The following PTPRO variants were observed in gnomAD, a reference collection of about 807,000 sequenced individuals.
The protein encoded by PTPRO is receptor-type tyrosine-protein phosphatase O.
PTPRO carries 62 observed loss-of-function variants against 145.2 expected under a neutral mutation model. The ratio of observed to expected loss-of-function variants is 0.43; its 90% CI spans 0.35 to 0.53. PTPRO has a LOEUF of 0.53. Among genes scored for constraint, PTPRO ranks in the 20% least tolerant of loss-of-function variants. PTPRO has a pLI of 0.01. For missense variants in PTPRO, 1,345 were observed against 1,482.7 expected, an observed-to-expected ratio of 0.91 and a Z score of 1.53; for synonymous variants, 565 against 514.7, an observed-to-expected ratio of 1.10 and a Z score of -1.32.
intron 1 of PTPRO, among the ~76,000 whole-genome samples, chr12:15,474,227 C>T (rs253831): frequency 0.021 from 3,181 of 152,246 alleles, 121 homozygotes; most frequent in East Asian, 0.14. Flanking sequence ...GGGAGCTTTC[C>T]TTCAATTCTG....
chr12:15,363,916 C>T (rs1330177949), intron 1 of PTPRO, among the ~76,000 whole-genome samples: 1 of 152,134 alleles, frequency 6.6e-6, no homozygotes, highest in Non-Finnish European at 1.5e-5. Flanking sequence ...TAGATACTAG[C>T]TGGCATCAGA....
At chr12:15,337,303 A>G (rs924462483) in intron 1 of PTPRO, 2 of 152,204 alleles carry the variant, frequency 1.3e-5, no homozygotes, top group Non-Finnish European at 2.9e-5. Flanking sequence ...ATCATAACCA[A>G]GCAGGCATAA....
At chr12:15,560,880 G>C (rs1408308264) in intron 17 of PTPRO, among the ~76,000 whole-genome samples, 1 of 152,044 alleles carries the variant, frequency 6.6e-6, no homozygotes, top group Admixed American at 6.6e-5. Flanking sequence ...CAGAATCCAG[G>C]TTCCAAACTC....
chr12:15,533,817 G>C (rs758327587), intron 12 of PTPRO, among the ~76,000 whole-genome samples: 29 of 152,226 alleles, frequency 1.9e-4, no homozygotes, highest in African/African-American at 6.3e-4. Flanking sequence ...CATTGTTAAA[G>C]CTGGGGCCGT....
chr12:15,352,583 G>A (rs1393018168), intron 1 of PTPRO, among the ~76,000 whole-genome samples: 3 of 150,398 alleles, frequency 2.0e-5, no homozygotes, highest in East Asian at 2.0e-4. Context: ...CTCGGGAGGC[G>A]AGCTTGCAGT....
chr12:15,457,358 A>G (rs1424881646), intron 1 of PTPRO, among the ~76,000 whole-genome samples: 1 of 152,198 alleles, frequency 6.6e-6, no homozygotes, highest in African/African-American at 2.4e-5. Context: ...TCATATATTC[A>G]TGTATCCTAT....
At chr12:15,552,636 C>T (rs751354761) in intron 15 of PTPRO, among the ~76,000 whole-genome samples, 3 of 152,034 alleles carry the variant, frequency 2.0e-5, no homozygotes, top group African/African-American at 4.8e-5. Flanking sequence ...GGATTAAAAA[C>T]AGGATGCCAT....
chr12:15,469,398 C>A (rs1791453956), intron 1 of PTPRO, among the ~76,000 whole-genome samples: 1 of 152,062 alleles, frequency 6.6e-6, no homozygotes, highest in East Asian at 1.9e-4. Flanking sequence ...ACAAATTATG[C>A]CAGAAGAATG....
chr12:15,580,617 GT>G (rs1944289232), intron 21 of PTPRO, 79 bp from the exon 22 acceptor site: 5 of 1,587,362 alleles, frequency 3.1e-6, no homozygotes, highest in African/African-American at 2.7e-5. Context: ...TAAGTTTTCA[GT>G]TTTTTTCCCA....
At chr12:15,399,748 A>G (rs1487924864) in intron 1 of PTPRO, among the ~76,000 whole-genome samples, 2 of 152,030 alleles carry the variant, frequency 1.3e-5, no homozygotes, top group African/African-American at 4.8e-5. Context: ...TTTGTACTGC[A>G]TTCAGAATCA....
Position 15,539,572 on chromosome 12 carries a change from C to T in PTPRO, c.2165-6997C>T, listed in dbSNP as rs117271326. On this transcript the variant is annotated intron_variant, in intron 12 of 26. Coordinates refer to ENST00000281171, the MANE Select transcript of PTPRO (RefSeq NM_030667.3). ...AGGCCGGGAGTTCGAGACCAGCCTG[C>T]GCAACATGGTGAAACCCTGTTTCTA... Among the ~76,000 whole-genome samples, 211 of 151,626 alleles carry T rather than the reference C, an allele frequency of 1.4e-3. 2 individuals are homozygous for T. The East Asian group carries it at 0.039, about 28-fold the overall frequency.
intron 1 of PTPRO, among the ~76,000 whole-genome samples, chr12:15,375,733 G>A (rs1938664340): frequency 7.1e-6 from 1 of 140,234 alleles, no homozygotes; most frequent in South Asian, 2.3e-4. Flanking sequence ...TCCAGCCTGG[G>A]CAACAGAGCA....
intron 1 of PTPRO, among the ~76,000 whole-genome samples, chr12:15,480,777 G>A (rs1565654774): frequency 6.6e-6 from 1 of 151,668 alleles, no homozygotes; most frequent in African/African-American, 2.4e-5. Flanking sequence ...ATGGATGGAC[G>A]GACGGACGGA....
chr12:15,538,561 C>G (rs1457542408), intron 12 of PTPRO, among the ~76,000 whole-genome samples: 1 of 151,916 alleles, frequency 6.6e-6, no homozygotes, highest in Non-Finnish European at 1.5e-5. Flanking sequence ...TCCTGCCCAT[C>G]ATAAGGTACT....
At chr12:15,383,421 G>A (rs1033438022) in intron 1 of PTPRO, among the ~76,000 whole-genome samples, 21 of 152,142 alleles carry the variant, frequency 1.4e-4, no homozygotes, top group African/African-American at 3.6e-4. Context: ...TAATGCTGCA[G>A]GGAACATGGG....
intron 1 of PTPRO, among the ~76,000 whole-genome samples, chr12:15,479,656 C>T (rs1304277342): frequency 6.6e-6 from 1 of 152,218 alleles, no homozygotes; most frequent in Non-Finnish European, 1.5e-5. Flanking sequence ...CAAGTTCTTG[C>T]TCAGATAGGA....
At chr12:15,438,817 G>T (rs781383559) in intron 1 of PTPRO, among the ~76,000 whole-genome samples, 9 of 152,180 alleles carry the variant, frequency 5.9e-5, no homozygotes, top group Non-Finnish European at 1.3e-4. Context: ...GCCTAATCTA[G>T]CTAGGAAGAT....
At position 15,560,296 on chromosome 12, in the gene PTPRO, T is replaced by A. The variant is rs1352554796; in HGVS notation, c.2711+20T>A. On this transcript the variant is annotated intron_variant, in intron 17 of 26. Transcript: ENST00000281171. ...TCCTTGGTAAGTGATTTTTTTTTACTGTTTAACACAAACTCTTTAAAAGTT... is the reference window on the plus strand; with the variant it reads ...TCCTTGGTAAGTGATTTTTTTTTACAGTTTAACACAAACTCTTTAAAAGTT... The A allele has an allele frequency of 6.7e-7, 1 of 1,492,694 alleles. No individual in the cohort carries two copies. The highest frequency in any genetic ancestry group is 9.3e-7 in the Non-Finnish European group (1 of 1,071,486). 92.5% of individuals were successfully genotyped at this position (1,492,694 alleles called of 1,614,324 possible).
chr12:15,560,066 T>C (rs1473955676), intron 16 of PTPRO, 127 bp from the exon 17 acceptor site: 8 of 733,002 alleles, frequency 1.1e-5, no homozygotes, highest in Non-Finnish European at 1.5e-5. Flanking sequence ...TAATATTTAA[T>C]TGTAATTAAG....
Sources: allele counts gnomAD v4.1 joint callset (sites outside exome capture counted in the v4.1 genomes callset), GRCh38; gene constraint gnomAD v4.1.1; transcripts MANE v1.5; gene names NCBI Gene and HGNC (gene_info 2026-07-23, HGNC 2026-07-21).